TOGARAM2: variants seen among roughly 807,000 people sequenced by gnomAD.
TOGARAM2 encodes TOG array regulator of axonemal microtubules protein 2.
Under a neutral mutation model 93.3 loss-of-function variants are expected in TOGARAM2, and 85 were observed. That is an observed-to-expected ratio of 0.91 (90% CI 0.76 to 1.09). The LOEUF (loss-of-function observed/expected upper bound fraction) is 1.09, where lower values mean the gene tolerates loss of function less well. TOGARAM2 is among the 50% of genes least tolerant of loss of function. The pLI is 0.00. For synonymous variants in TOGARAM2, 593 were observed against 552.8 expected, an observed-to-expected ratio of 1.07 and a Z score of -1.02; for missense variants, 1,277 against 1,334.5, an observed-to-expected ratio of 0.96 and a Z score of 0.67.
chr2:29,015,554 A>G (rs1438749844), intron 8 of TOGARAM2, among the ~76,000 whole-genome samples: 1 of 152,224 alleles, frequency 6.6e-6, no homozygotes, highest in Admixed American at 6.5e-5. Context: ...AAACCAAGAG[A>G]AAATGATTGC....
chr2:28,983,183 T>TATAA (rs1553334855), intron 1 of TOGARAM2, among the ~76,000 whole-genome samples: 34 of 46,714 alleles, frequency 7.3e-4, no homozygotes, highest in African/African-American at 2.0e-3. Flanking sequence ...TATAAATATA[T>TATAA]ATATATATAT....
intron 6 of TOGARAM2, among the ~76,000 whole-genome samples, chr2:29,005,328 T>C (rs1202856969): frequency 1.4e-5 from 1 of 71,114 alleles, no homozygotes; most frequent in African/African-American, 3.5e-5. Context: ...TGCATGTGTG[T>C]GTGAGACCGT....
chr2:29,039,020 T>A (rs1666278345), intron 18 of TOGARAM2, among the ~76,000 whole-genome samples: 2 of 152,194 alleles, frequency 1.3e-5, no homozygotes, highest in Non-Finnish European at 1.5e-5. Context: ...GGTCTGAGCC[T>A]GGCCTGCAGA....
chr2:29,030,166 C>A (rs1488340364), intron 14 of TOGARAM2, among the ~76,000 whole-genome samples: 1 of 152,124 alleles, frequency 6.6e-6, no homozygotes, highest in African/African-American at 2.4e-5. Context: ...GTCCCAGCTA[C>A]TTGAGAGGCT....
In TOGARAM2 at chr2:29,018,000, G is replaced by A. The variant is rs745638655; in HGVS notation, c.1360+44G>A. On this transcript the variant is annotated intron_variant, in intron 10 of 19. Coordinates refer to ENST00000379558, the MANE Select transcript of TOGARAM2 (RefSeq NM_199280.4). ...CAGGCACACGTGTCCCTCTGCCCAT[G>A]CTGCCTCAGGATGCCCTGAGGCATG... 5.2e-6 allele frequency: 8 copies of A among 1,532,950 alleles called. No homozygotes were observed. The African/African-American group carries it at 9.7e-5, about 19-fold the overall frequency. 95.0% of individuals were successfully genotyped at this position (1,532,950 alleles called of 1,614,324 possible). A position where few individuals can be genotyped will look rare whatever the true frequency, so the allele number is the denominator to read the frequency against.
At chr2:28,961,542 T>C (rs2148213531) in intron 1 of TOGARAM2, among the ~76,000 whole-genome samples, 1 of 152,268 alleles carries the variant, frequency 6.6e-6, no homozygotes, top group East Asian at 1.9e-4. Context: ...GGTTTTACCA[T>C]GTTGGCCAGG....
chr2:29,005,449 G>A (rs1673677110), intron 6 of TOGARAM2, among the ~76,000 whole-genome samples: 1 of 148,278 alleles, frequency 6.7e-6, no homozygotes, highest in East Asian at 2.0e-4. Flanking sequence ...GTGCATGTAT[G>A]TGAGAGCATG....
intron 13 of TOGARAM2, 40 bp downstream of exon 13, chr2:29,024,414 G>C: frequency 6.4e-7 from 1 of 1,554,692 alleles, no homozygotes; most frequent in Non-Finnish European, 8.7e-7. Flanking sequence ...GGGAAGTCAG[G>C]GAAGGTAAGG....
upstream of TOGARAM2, among the ~76,000 whole-genome samples, chr2:28,977,304 G>T (rs1372111369): frequency 2.0e-5 from 3 of 152,168 alleles, no homozygotes; most frequent in Non-Finnish European, 2.9e-5. Context: ...CTGAGGGATG[G>T]GTACCTGAGA....
chr2:29,022,970 C>T, intron 11 of TOGARAM2, 116 bp from the exon 12 acceptor site: 1 of 824,768 alleles, frequency 1.2e-6, no homozygotes, highest in South Asian at 1.7e-5. Flanking sequence ...GGAATGGCAC[C>T]CTGCTGCGGG....
chr2:28,997,508 C>A (rs1673051628), intron 2 of TOGARAM2, among the ~76,000 whole-genome samples: 1 of 152,186 alleles, frequency 6.6e-6, no homozygotes, highest in African/African-American at 2.4e-5. Context: ...GTCAGCCTTG[C>A]CCACTACTGT....
At chr2:28,976,174 T>G (rs1176259785) in intron 1 of TOGARAM2, among the ~76,000 whole-genome samples, 3 of 152,102 alleles carry the variant, frequency 2.0e-5, no homozygotes, top group East Asian at 3.9e-4. Flanking sequence ...ATCGAGACCA[T>G]CCTGGCTAAC....
chr2:28,970,292 A>G (rs1194361389), intron 1 of TOGARAM2, among the ~76,000 whole-genome samples: 1 of 152,170 alleles, frequency 6.6e-6, no homozygotes, highest in Non-Finnish European at 1.5e-5. Context: ...CTGCTACAGA[A>G]TTAGATAAGC....
rs776018087 is a variant in TOGARAM2 at position 29,033,034 on chromosome 2, G to A, written c.2113G>A (p.Ala705Thr). The A allele has an allele frequency of 5.0e-6, 8 of 1,613,524 alleles. No individual in the cohort carries two copies. In the African/African-American group the frequency reaches 1.1e-4, roughly 22 times the overall value. The change falls in exon 15 of 20, where the codon GCG becomes ACG. Residue 705 changes from alanine to threonine, a missense_variant. Transcript: ENST00000379558. ...LPSYDLQKVM[A>T]AIKQQGIEDN... ...ATCTTACGACTTGCAGAAGGTCATG[G>A]CGGCCATTAAACAGCAGGTGAGCTG... is the stretch of plus-strand genomic sequence containing the variant.
At chr2:28,963,819 C>T (rs1671829919) in intron 1 of TOGARAM2, among the ~76,000 whole-genome samples, 1 of 152,110 alleles carries the variant, frequency 6.6e-6, no homozygotes, top group South Asian at 2.1e-4. Flanking sequence ...ACCAGCCTGG[C>T]CAACATGGTG....
chr2:29,017,662 C>T (rs553034298), intron 9 of TOGARAM2, 130 bp from the exon 10 acceptor site: 161 of 884,330 alleles, frequency 1.8e-4, no homozygotes, highest in Middle Eastern at 2.8e-4. Flanking sequence ...CCTCCTACCT[C>T]GGACTCCCAA....
At chr2:28,997,590 G>A (rs1021140576) in intron 2 of TOGARAM2, among the ~76,000 whole-genome samples, 1 of 152,214 alleles carries the variant, frequency 6.6e-6, no homozygotes, top group Non-Finnish European at 1.5e-5. Context: ...GCCGAGGGAC[G>A]TTAGGAGAGA....
chr2:29,043,221 T>A (rs1666539488), intron 18 of TOGARAM2, among the ~76,000 whole-genome samples: 2 of 152,210 alleles, frequency 1.3e-5, no homozygotes, highest in Non-Finnish European at 2.9e-5. Context: ...GGCATCTCAT[T>A]TATCTCCCAG....
At chr2:28,990,890 C>T (rs955168280) in intron 1 of TOGARAM2, among the ~76,000 whole-genome samples, 16 of 151,924 alleles carry the variant, frequency 1.1e-4, no homozygotes, top group Non-Finnish European at 1.8e-4. Context: ...TGAGAGGCGT[C>T]TCTGTCACCT....
Sources: gnomAD v4.1 joint callset for allele counts (sites outside exome capture counted in the v4.1 genomes callset) on GRCh38, gnomAD v4.1.1 for gene constraint, MANE v1.5 for transcripts, NCBI Gene and HGNC (gene_info 2026-07-23, HGNC 2026-07-21) for gene names.